The following GPC5 variants were observed in gnomAD, a reference collection of about 807,000 sequenced individuals.
The protein encoded by GPC5 is glypican-5.
Under a neutral mutation model 53.9 loss-of-function variants are expected in GPC5, and 47 were observed. The ratio of observed to expected loss-of-function variants is 0.87; its 90% confidence interval spans 0.69 to 1.11. The LOEUF (loss-of-function observed/expected upper bound fraction) is 1.11, where lower values mean the gene tolerates loss of function less well. Ranked by LOEUF, GPC5 falls within the 50% of genes most tolerant of loss-of-function variation. The pLI is 0.00. For synonymous variants in GPC5, 286 were observed against 263.3 expected, an observed-to-expected ratio of 1.09 and a Z score of -0.84; for missense variants, 748 against 713.1, an observed-to-expected ratio of 1.05 and a Z score of -0.56.
intron 7 of GPC5, among the ~76,000 whole-genome samples, chr13:92,637,825 A>C (rs1885457888): frequency 6.6e-6 from 1 of 152,226 alleles, no homozygotes; most frequent in Non-Finnish European, 1.5e-5. Flanking sequence ...TGCTAAAATT[A>C]GTAGATAATG....
intron 2 of GPC5, among the ~76,000 whole-genome samples, chr13:91,594,011 T>C (rs1341185028): frequency 6.6e-6 from 1 of 152,202 alleles, no homozygotes; most frequent in Non-Finnish European, 1.5e-5. Flanking sequence ...TCACATTTCA[T>C]TTATTATGTA....
intron 6 of GPC5, among the ~76,000 whole-genome samples, chr13:92,105,376 A>C (rs1157851604): frequency 1.3e-5 from 2 of 152,124 alleles, no homozygotes; most frequent in African/African-American, 4.8e-5. Context: ...ATAATAGAGC[A>C]CTGCAAATTA....
intron 2 of GPC5, among the ~76,000 whole-genome samples, chr13:91,482,413 A>T (rs1049344149): frequency 3.3e-5 from 5 of 152,136 alleles, no homozygotes; most frequent in Non-Finnish European, 7.3e-5. Flanking sequence ...GTTCTTTATA[A>T]ATCACCCTGT....
intron 2 of GPC5, among the ~76,000 whole-genome samples, chr13:91,535,642 C>T (rs910033883): frequency 2.0e-5 from 3 of 151,986 alleles, no homozygotes; most frequent in African/African-American, 4.8e-5. Context: ...TCAGAAAACT[C>T]GTCTTTTAAT....
chr13:92,695,574 T>G (rs1887533971), intron 7 of GPC5, among the ~76,000 whole-genome samples: 1 of 152,172 alleles, frequency 6.6e-6, no homozygotes, highest in Non-Finnish European at 1.5e-5. Flanking sequence ...GAAGTGATAT[T>G]GATGATCATC....
chr13:92,165,510 GGA>G (rs2042020862), intron 7 of GPC5, among the ~76,000 whole-genome samples: 1 of 152,142 alleles, frequency 6.6e-6, no homozygotes, highest in Non-Finnish European at 1.5e-5. Context: ...CAGGGTGACA[GGA>G]GAGAGAATGA....
intron 6 of GPC5, among the ~76,000 whole-genome samples, chr13:92,053,499 G>T (rs550601561): frequency 1.6e-4 from 24 of 152,172 alleles, no homozygotes; most frequent in African/African-American, 5.1e-4. Context: ...TTGTCTGCAA[G>T]ATTTTTTATT....
intron 7 of GPC5, among the ~76,000 whole-genome samples, chr13:92,828,533 G>T (rs1877931032): frequency 6.6e-6 from 1 of 152,086 alleles, no homozygotes; most frequent in Admixed American, 6.6e-5. Flanking sequence ...TGTTTGATGT[G>T]ATATAGATTC....
chr13:92,072,569 A>ATTT (rs34169387), intron 6 of GPC5, among the ~76,000 whole-genome samples: 9 of 103,968 alleles, frequency 8.7e-5, no homozygotes, highest in African/African-American at 3.3e-4. Context: ...TGGCCACTAA[A>ATTT]TTTTTTTTTT....
chr13:92,351,339 AAC>A (rs1026388355), intron 7 of GPC5, among the ~76,000 whole-genome samples: 18 of 151,844 alleles, frequency 1.2e-4, no homozygotes, highest in Non-Finnish European at 2.2e-4. Context: ...CTTTTGAAAT[AAC>A]ACAATTTATC....
intron 7 of GPC5, among the ~76,000 whole-genome samples, chr13:92,164,017 C>G (rs1233464457): frequency 6.6e-6 from 1 of 152,130 alleles, no homozygotes; most frequent in Admixed American, 6.5e-5. Context: ...CAAGAGAACT[C>G]AATCACTATC....
At chr13:92,294,436 A>G (rs71432006) in intron 7 of GPC5, among the ~76,000 whole-genome samples, 12,994 of 152,148 alleles carry the variant, frequency 0.085, 614 homozygotes, top group Middle Eastern at 0.12. Flanking sequence ...GGAGGGTTGT[A>G]TCTTTCCAGG....
chr13:92,690,699 T>C (rs1170265704), intron 7 of GPC5, among the ~76,000 whole-genome samples: 1 of 132,404 alleles, frequency 7.6e-6, no homozygotes, highest in Non-Finnish European at 1.6e-5. Context: ...TTTGTGGTTT[T>C]ATCTACTTTT....
At chr13:92,633,862 A>G (rs1885334847) in intron 7 of GPC5, among the ~76,000 whole-genome samples, 1 of 152,156 alleles carries the variant, frequency 6.6e-6, no homozygotes, top group Admixed American at 6.5e-5. Context: ...CTGTCTTCAT[A>G]TAGCCATATA....
At chr13:91,700,520 C>T (rs551961251) in intron 3 of GPC5, among the ~76,000 whole-genome samples, 2 of 152,136 alleles carry the variant, frequency 1.3e-5, no homozygotes, top group South Asian at 4.1e-4. Context: ...TGGTCCATCA[C>T]GTTTGTGGAC....
intron 3 of GPC5, among the ~76,000 whole-genome samples, chr13:91,707,918 T>A (rs777139540): frequency 1.3e-5 from 2 of 152,192 alleles, no homozygotes; most frequent in Non-Finnish European, 2.9e-5. Flanking sequence ...GTCTATCAAC[T>A]GATGAATGGA....
intron 2 of GPC5, among the ~76,000 whole-genome samples, chr13:91,605,325 G>A (rs1357595503): frequency 6.8e-6 from 1 of 146,834 alleles, no homozygotes; most frequent in Admixed American, 6.8e-5. Context: ...CTCTGTTTTG[G>A]TACCAGTACC....
At chr13:91,875,884 G>A (rs1174101427) in intron 5 of GPC5, among the ~76,000 whole-genome samples, 1 of 152,162 alleles carries the variant, frequency 6.6e-6, no homozygotes, top group African/African-American at 2.4e-5. Context: ...TAGTGATGTG[G>A]TTTGGCTTTG....
chr13:91,580,237 A>G (rs1364104698), intron 2 of GPC5, among the ~76,000 whole-genome samples: 2 of 151,982 alleles, frequency 1.3e-5, no homozygotes, highest in Non-Finnish European at 2.9e-5. Context: ...TTTTGAGTAG[A>G]GACAGGGTTT....
Sources: allele counts gnomAD v4.1 joint callset (sites outside exome capture counted in the v4.1 genomes callset), GRCh38; gene constraint gnomAD v4.1.1; transcripts MANE v1.5; gene names NCBI Gene and HGNC (gene_info 2026-07-23, HGNC 2026-07-21).